The following TTN variants were observed in gnomAD, a reference collection of about 807,000 sequenced individuals.
TTN encodes the protein connectin.
TTN carries 1,525 observed loss-of-function variants against 3,223.0 expected under a neutral mutation model. The ratio of observed to expected loss-of-function variants is 0.47; its 90% CI spans 0.45 to 0.49. The LOEUF is 0.49. Ranked by LOEUF, TTN falls within the 20% of genes least tolerant of loss-of-function variation. The probability of loss-of-function intolerance (pLI) is 0.00; values close to 1 mark genes in which losing one functional copy is unlikely to be tolerated. For missense variants in TTN, 40,786 were observed against 43,424.0 expected, an observed-to-expected ratio of 0.94 and a Z score of 5.40; for synonymous variants, 14,094 against 15,161.0, an observed-to-expected ratio of 0.93 and a Z score of 5.17.
At position 178,568,188 on chromosome 2, in the gene TTN, T is replaced by C; in HGVS notation, c.77944A>G (p.Ile25982Val). 6.2e-7 allele frequency: 1 copy of C among 1,613,536 alleles called. No homozygotes were observed. The highest frequency in any genetic ancestry group is 2.2e-5 in the East Asian group (1 of 44,842). ...TCTTTGTAGGGATATTGAGCTACAA[T>C]TGGATCAGACTCTAAGGCAAAGCTT... ...GQSFALESDP[I>V]VAQYPYKEPG... Residue 25982 changes from isoleucine (I) to valine (V), a missense_variant, in exon 326 of 363, where the codon ATT becomes GTT. Coordinates refer to ENST00000589042, the MANE Select transcript of TTN (RefSeq NM_001267550.2).
In TTN at chr2:178,715,598, C is replaced by G; in HGVS notation, c.25816G>C (p.Val8606Leu). The G allele has an allele frequency of 6.2e-7, 1 of 1,613,664 alleles. No individual in the cohort carries two copies. The highest frequency in any genetic ancestry group is 8.5e-7 in the Non-Finnish European group (1 of 1,179,678). Residue 8606 changes from valine to leucine, a missense_variant, in exon 89 of 363, where the codon GTG (valine) becomes CTG (leucine). Coordinates refer to ENST00000589042, the MANE Select transcript of TTN (RefSeq NM_001267550.2). ...FRMSFVDSVA[V>L]LEMHNLSVED... ...ACACTGAGATTGTGCATTTCCAGCA[C>G]AGCCACCGAGTCAACGAATGACATT...
chr2:178,683,140 A>G, intron 134 of TTN, 71 bp downstream of exon 134: 1 of 1,107,382 alleles, frequency 9.0e-7, no homozygotes, highest in East Asian at 2.6e-5. Flanking sequence ...TATAGGAGTC[A>G]GATTGGGAAC....
At position 178,764,241 on chromosome 2, in the gene TTN, C is replaced by T. The variant is rs759936737; in HGVS notation, c.10050G>A (p.Pro3350=). 3.5e-5 allele frequency: 56 copies of T among 1,613,882 alleles called. No homozygotes were observed. The highest frequency in any genetic ancestry group is 3.3e-4 in the Middle Eastern group (2 of 6,084). The change falls in exon 43 of 363, where the codon CCG becomes CCA. Residue 3350 remains proline (P), a synonymous_variant. Transcript: ENST00000589042. ...MPVYPPAIIT[P]LQDTVTSEGQ... Reference sequence around the variant, plus strand: ...CTTCAGAAGTGACAGTGTCCTGAAGCGGGGTGATGATGGCAGGTGGATAAA... The same window carrying T: ...CTTCAGAAGTGACAGTGTCCTGAAGTGGGGTGATGATGGCAGGTGGATAAA...
intron 330 of TTN, chr2:178,556,005 G>T (rs1342723758): frequency 6.6e-6 from 1 of 152,272 alleles, no homozygotes; most frequent in Admixed American, 6.5e-5. Flanking sequence ...TAACGGGGAA[G>T]TTACAAAAGC....
At position 178,569,039 on chromosome 2, in the gene TTN, A is replaced by C. The variant is rs759278736; in HGVS notation, c.77093T>G (p.Val25698Gly). The change falls in exon 326 of 363, where the codon GTG (valine) becomes GGG (glycine). Residue 25698 changes from valine (V) to glycine (G), a missense_variant. Val to Gly is a moderately radical substitution (Grantham distance 109). Transcript: ENST00000589042. ...AGTTATTTTTCCAGGAGGTTGTGGC[A>C]CTTCTGCAACCTTAATTGGATCAGC... Reference protein sequence around the residue: ...QTADPIKVAEVPQPPGKITVD... With the variant: ...QTADPIKVAEGPQPPGKITVD... 3.7e-6 allele frequency: 6 copies of C among 1,613,166 alleles called. No homozygotes were observed. The African/African-American group carries it at 6.7e-5, about 18-fold the overall frequency.
At position 178,616,521 on chromosome 2, in the gene TTN, G is replaced by A. The variant is rs397517592; in HGVS notation, c.48270C>T (p.Tyr16090=). 1.9e-5 allele frequency: 31 copies of A among 1,612,136 alleles called. No individual in the cohort carries two copies. Among genetic ancestry groups the A allele is most frequent in the East Asian group, 8.9e-5 (4 of 44,740 alleles). The change falls in exon 257 of 363, where the codon TAC becomes TAT. Residue 16090 remains tyrosine (Y), a synonymous_variant. Transcript: ENST00000589042. Reference sequence around the variant, plus strand: ...GGCTGACTTCTCGTTTTTCAACAACGTATCCAGTTAACGGACTTCCTCCAT... The same window carrying A: ...GGCTGACTTCTCGTTTTTCAACAACATATCCAGTTAACGGACTTCCTCCAT... ...DDDGGSPLTG[Y]VVEKREVSRK...
In TTN at chr2:178,536,091, G is replaced by A. The variant is rs1419767437; in HGVS notation, c.100656C>T (p.Tyr33552=). ...KYRIQEFKGG[Y]HQLIIASVTD... is the part of the protein sequence containing the mutation. ...TGACACTTGCAATGATGAGCTGGTG[G>A]TAGCCACCCTTAAATTCTTGAATCC... Residue 33552 remains tyrosine (Y), a synonymous_variant, in exon 357 of 363, where the codon TAC becomes TAT. Coordinates refer to ENST00000589042, the MANE Select transcript of TTN (RefSeq NM_001267550.2). The A allele has an allele frequency of 1.2e-6, 2 of 1,611,204 alleles. No individual in the cohort carries two copies. Among genetic ancestry groups the A allele is most frequent in the East Asian group, 2.2e-5 (1 of 44,818 alleles).
chr2:178,633,108 A>C (rs1032954622), intron 233 of TTN, 64 bp from the exon 234 acceptor site: 11 of 1,599,684 alleles, frequency 6.9e-6, no homozygotes, highest in African/African-American at 2.7e-5. Flanking sequence ...CCTACAAATC[A>C]TCAAGATATT....
Position 178,727,745 on chromosome 2 carries a change from A to G in TTN, c.19833T>C (p.Asp6611=). Reference sequence around the variant, plus strand: ...ATTTAGGACCTGAGACAAGTTCCACATCATCCTTAAACCATTTTATTTTAA... The same window carrying G: ...ATTTAGGACCTGAGACAAGTTCCACGTCATCCTTAAACCATTTTATTTTAA... ...PPFKIKWFKD[D]VELVSGPKCF... The change falls in exon 68 of 363, where the codon GAT becomes GAC. Residue 6611 remains aspartate, a synonymous_variant. Coordinates refer to ENST00000589042, the MANE Select transcript of TTN (RefSeq NM_001267550.2). The G allele has an allele frequency of 1.2e-6, 2 of 1,613,380 alleles. No individual in the cohort carries two copies. Among genetic ancestry groups the G allele is most frequent in the Non-Finnish European group, 1.7e-6 (2 of 1,179,466 alleles).
chr2:178,766,676 C>T, intron 40 of TTN, 64 bp from the exon 41 acceptor site: 1 of 1,310,404 alleles, frequency 7.6e-7, no homozygotes, highest in African/African-American at 1.5e-5. Flanking sequence ...TGGTTTCCTC[C>T]CAGTTAATCA....
Position 178,601,441 on chromosome 2 carries a change from C to G in TTN, c.55556G>C (p.Arg18519Thr). Residue 18519 changes from arginine (R) to threonine (T), a missense_variant, in exon 287 of 363, where the codon AGG becomes ACG. Coordinates refer to ENST00000589042, the MANE Select transcript of TTN (RefSeq NM_001267550.2). ...DRIKGYVIEK[R>T]TIDGKAWTKV... Reference sequence around the variant, plus strand: ...GGTCCAGGCTTTTCCATCAATAGTCCTCTTCTCAATAACATAGCCTTTGAT... The same window carrying G: ...GGTCCAGGCTTTTCCATCAATAGTCGTCTTCTCAATAACATAGCCTTTGAT... 1 of 1,612,908 alleles carries G rather than the reference C, an allele frequency of 6.2e-7. No individual in the cohort carries two copies. Among genetic ancestry groups the G allele is most frequent in the Non-Finnish European group, 8.5e-7 (1 of 1,179,330 alleles).
In TTN at chr2:178,558,450, G is replaced by A. The variant is rs764451541; in HGVS notation, c.87009C>T (p.Ser29003=). The A allele has an allele frequency of 1.1e-5, 17 of 1,613,588 alleles. No homozygotes were observed. The highest frequency in any genetic ancestry group is 5.5e-5 in the South Asian group (5 of 91,072). The change falls in exon 327 of 363, where the codon TCC becomes TCT. Residue 29003 remains serine, a synonymous_variant. Coordinates refer to ENST00000589042, the MANE Select transcript of TTN (RefSeq NM_001267550.2). The part of the protein sequence containing the change: ...AVAKSTHHVV[S]GLRENSEYFF... Reference sequence around the variant, plus strand: ...AGTATTCAGAATTCTCTCTCAGACCGGAAACAACGTGATGGGTTGACTTTG... The same window carrying A: ...AGTATTCAGAATTCTCTCTCAGACCAGAAACAACGTGATGGGTTGACTTTG...
intron 67 of TTN, 32 bp downstream of exon 67, chr2:178,728,078 G>A (rs1044194637): frequency 3.9e-6 from 6 of 1,519,744 alleles, no homozygotes; most frequent in Admixed American, 4.4e-5. Flanking sequence ...CATTCGCAAG[G>A]AAGAATCAAG....
intron 319 of TTN, 83 bp downstream of exon 319, chr2:178,579,478 T>G: frequency 1.3e-6 from 2 of 1,570,410 alleles, no homozygotes; most frequent in Non-Finnish European, 1.7e-6. Flanking sequence ...TAACGGATTT[T>G]TAGATAAGCT....
Position 178,601,678 on chromosome 2 carries a change from T to C in TTN, c.55412A>G (p.Asn18471Ser), listed in dbSNP as rs1310909549. ...AKNKAGQKTA[N>S]CRVKVMDVPG... ...CTTACCCATGACTTTAACTCTGCAA[T>C]TTGCAGTCTTTTGTCCTGCTTTATT... Residue 18471 changes from asparagine (N) to serine (S), a missense_variant, in exon 286 of 363, where the codon AAT becomes AGT. Physicochemically the swap from Asn to Ser is conservative, Grantham distance 46. Coordinates refer to ENST00000589042, the MANE Select transcript of TTN (RefSeq NM_001267550.2). 6.2e-7 allele frequency: 1 copy of C among 1,600,284 alleles called. No individual in the cohort carries two copies. The highest frequency in any genetic ancestry group is 2.2e-5 in the East Asian group (1 of 44,668).
At chr2:178,528,187 C>T (rs779443847) in intron 361 of TTN, 87 bp downstream of exon 361, 48 of 1,429,504 alleles carry the variant, frequency 3.4e-5, no homozygotes, top group Non-Finnish European at 4.4e-5. Flanking sequence ...AATAAGGCTT[C>T]TTAGAGTTTT....
At position 178,793,429 on chromosome 2, in the gene TTN, T is replaced by C. The variant is rs2093615813; in HGVS notation, c.1511A>G (p.Glu504Gly). Residue 504 changes from glutamate to glycine, a missense_variant, in exon 9 of 363, where the codon GAG becomes GGG. Coordinates refer to ENST00000589042, the MANE Select transcript of TTN (RefSeq NM_001267550.2). ...CTGCTCATGAGTTACGTGCATCTGCTCTTGCTTTGTGGTAATTACTTCTTT... is the reference window on the plus strand; with the variant it reads ...CTGCTCATGAGTTACGTGCATCTGCCCTTGCTTTGTGGTAATTACTTCTTT... ...RTKEVITTKQ[E>G]QMHVTHEQIR... 2 of 1,614,152 alleles carry C rather than the reference T, an allele frequency of 1.2e-6. No homozygotes were observed. Among genetic ancestry groups the C allele is most frequent in the Non-Finnish European group, 8.5e-7 (1 of 1,180,000 alleles).
rs753047177 is a variant in TTN, at chr2:178,608,172, A to G, written c.52705+6T>C. The G allele has an allele frequency of 1.2e-6, 2 of 1,601,412 alleles. No individual in the cohort carries two copies. The highest frequency in any genetic ancestry group is 2.2e-5 in the South Asian group (2 of 89,360). ...TACTCCACCTTCTTCTTAAGGAACT[A>G]CTTACAGATTGGATCATGTGCTGTT... is the stretch of plus-strand genomic sequence containing the variant. On this transcript the variant is annotated splice_donor_region_variant and intron_variant, in intron 275 of 362. Coordinates refer to ENST00000589042, the MANE Select transcript of TTN (RefSeq NM_001267550.2).
intron 144 of TTN, 60 bp downstream of exon 144, chr2:178,678,354 G>A: frequency 1.3e-6 from 2 of 1,500,580 alleles, no homozygotes; most frequent in Non-Finnish European, 1.8e-6. Flanking sequence ...AAATTTGTAT[G>A]TGAGTATACA....
Sources: gnomAD v4.1 joint callset for allele counts on GRCh38, gnomAD v4.1.1 for gene constraint, MANE v1.5 for transcripts, NCBI Gene and HGNC (gene_info 2026-07-23, HGNC 2026-07-21) for gene names.